The following POU6F2 variants were observed in gnomAD, a reference collection of about 807,000 sequenced individuals.
The protein encoded by POU6F2 is POU class 6 homeobox 2.
POU6F2 carries 31 observed loss-of-function variants against 71.3 expected under a neutral mutation model. That is an observed-to-expected ratio of 0.43 (90% CI 0.33 to 0.59). The LOEUF is 0.59. Among genes scored for constraint, POU6F2 ranks in the 20% least tolerant of loss-of-function variants. The pLI, the probability that POU6F2 is intolerant of heterozygous loss-of-function variation, is 0.04. For missense variants in POU6F2, 783 were observed against 856.8 expected (o/e 0.91, Z 1.07); for synonymous variants, 347 against 355.7 (o/e 0.98, Z 0.27).
intron 1 of POU6F2, among the ~76,000 whole-genome samples, chr7:38,983,046 A>G (rs1788363863): frequency 6.6e-6 from 1 of 152,150 alleles, no homozygotes; most frequent in African/African-American, 2.4e-5. Context: ...GTCTGCAAAT[A>G]CTGAAAAACT....
intron 5 of POU6F2, among the ~76,000 whole-genome samples, chr7:39,396,607 T>C (rs1787179295): frequency 6.6e-6 from 1 of 152,208 alleles, no homozygotes; most frequent in Non-Finnish European, 1.5e-5. Context: ...GCCTCACTTT[T>C]CACTCTGCAT....
intron 5 of POU6F2, among the ~76,000 whole-genome samples, chr7:39,380,736 C>T (rs1345750153): frequency 6.6e-6 from 1 of 152,192 alleles, no homozygotes; most frequent in Non-Finnish European, 1.5e-5. Context: ...AAGTGCTGCT[C>T]CTGCCTTTTG....
At chr7:39,286,676 G>T (rs1020361375) in intron 4 of POU6F2, among the ~76,000 whole-genome samples, 1 of 152,192 alleles carries the variant, frequency 6.6e-6, no homozygotes, top group East Asian at 1.9e-4. Flanking sequence ...GCCCTATTAC[G>T]CCAGTTGACA....
chr7:39,062,249 T>C (rs1790672968), intron 1 of POU6F2, among the ~76,000 whole-genome samples: 1 of 152,110 alleles, frequency 6.6e-6, no homozygotes, highest in Non-Finnish European at 1.5e-5. Flanking sequence ...AAAAAATACT[T>C]ATTACAATAA....
intron 7 of POU6F2, among the ~76,000 whole-genome samples, chr7:39,449,900 A>G (rs1788615995): frequency 6.6e-6 from 1 of 152,204 alleles, no homozygotes; most frequent in African/African-American, 2.4e-5. Flanking sequence ...GACTCAGACA[A>G]ATGAATCCAG....
intron 1 of POU6F2, among the ~76,000 whole-genome samples, chr7:39,012,256 C>T (rs745849910): frequency 1.3e-5 from 2 of 152,088 alleles, no homozygotes; most frequent in African/African-American, 2.4e-5. Context: ...CTTCTCTTCT[C>T]GCTTCATTTC....
intron 5 of POU6F2, among the ~76,000 whole-genome samples, chr7:39,351,766 C>T (rs1171738454): frequency 1.3e-5 from 2 of 152,198 alleles, no homozygotes; most frequent in Non-Finnish European, 1.5e-5. Flanking sequence ...ACCCACCACC[C>T]TCCTGCCCCA....
chr7:39,161,267 C>T (rs1290000000), intron 2 of POU6F2, among the ~76,000 whole-genome samples: 2 of 152,192 alleles, frequency 1.3e-5, no homozygotes, highest in African/African-American at 4.8e-5. Flanking sequence ...TGGTTTAATA[C>T]CTTCCACTTC....
chr7:39,279,857 C>T (rs1197836018), intron 4 of POU6F2, among the ~76,000 whole-genome samples: 1 of 152,178 alleles, frequency 6.6e-6, no homozygotes, highest in Non-Finnish European at 1.5e-5. Context: ...AGTGATTCTC[C>T]TGCCTCAGCC....
intron 4 of POU6F2, among the ~76,000 whole-genome samples, chr7:39,330,617 CAAAGA>C (rs1562792630): frequency 2.0e-5 from 3 of 152,208 alleles, no homozygotes; most frequent in African/African-American, 7.2e-5. Context: ...TAGTGCCACT[CAAAGA>C]AAACACCCAA....
At chr7:39,123,888 CATG>C (rs1399355163) in intron 2 of POU6F2, among the ~76,000 whole-genome samples, 1 of 151,876 alleles carries the variant, frequency 6.6e-6, no homozygotes, top group Non-Finnish European at 1.5e-5. Context: ...TCTGTAAATT[CATG>C]ATAACAAAAG....
At position 39,023,163 on chromosome 7, in the gene POU6F2, T is replaced by G. The variant is rs542655502; in HGVS notation, c.105+45105T>G. ...CTGTGTTTTAAAAGTATTATTCAAGTTTTTTGCCTAGTTTTAAGATTAGTT... is the reference window on the plus strand; with the variant it reads ...CTGTGTTTTAAAAGTATTATTCAAGGTTTTTGCCTAGTTTTAAGATTAGTT... On this transcript the variant is annotated intron_variant, in intron 1 of 9. Transcript: ENST00000518318. Among the ~76,000 whole-genome samples the G allele has an allele frequency of 1.6e-4, 24 of 152,142 alleles. No homozygotes were observed. In the South Asian group the frequency reaches 5.0e-3, roughly 32 times the overall value.
chr7:39,136,891 A>G (rs1304815696), intron 2 of POU6F2, among the ~76,000 whole-genome samples: 1 of 151,070 alleles, frequency 6.6e-6, no homozygotes, highest in Non-Finnish European at 1.5e-5. Flanking sequence ...GGAGGCTGAG[A>G]TGGGTCCCAG....
At position 39,154,328 on chromosome 7, in the gene POU6F2, G is replaced by A. The variant is rs966115361; in HGVS notation, c.278-49907G>A. ...TGCTTCCACTTTGCTTTAGGACCCC[G>A]GTATATAAGCTCTCTTGGCCCCAGC... On this transcript the variant is annotated intron_variant, in intron 2 of 9. Transcript: ENST00000518318. Among the ~76,000 whole-genome samples, 8 of 152,086 alleles carry A rather than the reference G, an allele frequency of 5.3e-5. 1 individual carries two copies. Among genetic ancestry groups the A allele is most frequent in the East Asian group, 1.9e-4 (1 of 5,178 alleles).
At chr7:38,982,459 T>C (rs1788347415) in intron 1 of POU6F2, among the ~76,000 whole-genome samples, 1 of 152,170 alleles carries the variant, frequency 6.6e-6, no homozygotes. Flanking sequence ...GAATTTGTAC[T>C]ATGTATTGTT....
chr7:39,096,438 A>G (rs1791455558), intron 2 of POU6F2, among the ~76,000 whole-genome samples: 1 of 152,182 alleles, frequency 6.6e-6, no homozygotes, highest in South Asian at 2.1e-4. Flanking sequence ...ATTATATTCA[A>G]CATCTAAAGG....
intron 2 of POU6F2, among the ~76,000 whole-genome samples, chr7:39,173,836 A>G (rs1460846889): frequency 6.6e-6 from 1 of 152,206 alleles, no homozygotes; most frequent in Non-Finnish European, 1.5e-5. Flanking sequence ...ATGGGAATGT[A>G]GAGGGAACCA....
chr7:39,147,202 A>G (rs989569705), intron 2 of POU6F2, among the ~76,000 whole-genome samples: 1 of 152,216 alleles, frequency 6.6e-6, no homozygotes, highest in African/African-American at 2.4e-5. Context: ...TAGGTTGTAT[A>G]TTCGGTTGGT....
chr7:39,389,030 C>T (rs1787010027), intron 5 of POU6F2, among the ~76,000 whole-genome samples: 1 of 150,812 alleles, frequency 6.6e-6, no homozygotes, highest in South Asian at 2.1e-4. Context: ...CTTCAGTTTA[C>T]TGGCTCCTCC....
Sources: allele counts gnomAD v4.1 joint callset (sites outside exome capture counted in the v4.1 genomes callset), GRCh38; gene constraint gnomAD v4.1.1; transcripts MANE v1.5; gene names NCBI Gene and HGNC (gene_info 2026-07-23, HGNC 2026-07-21).